Variants in AFG2A observed in about 807,000 individuals in gnomAD.
AFG2A encodes the protein ATPase family gene 2 protein homolog A.
chr4:123,124,045 G>A, the AFG2A span, among the ~76,000 whole-genome samples: 1 of 151,036 alleles, frequency 6.6e-6, no homozygotes, highest in Non-Finnish European at 1.5e-5. Context: ...TGTTGGGACT[G>A]TAAACTAGTT....
At chr4:123,148,058 A>G in the AFG2A span, among the ~76,000 whole-genome samples, 2 of 152,214 alleles carry the variant, frequency 1.3e-5, no homozygotes, top group African/African-American at 4.8e-5. Flanking sequence ...TCTCAAAGAT[A>G]TCTTTTAAAT....
chr4:123,100,744 A>G, the AFG2A span, among the ~76,000 whole-genome samples: 1 of 151,936 alleles, frequency 6.6e-6, no homozygotes, highest in African/African-American at 2.4e-5. Flanking sequence ...GTCTTTCTTC[A>G]AAGTCTGCTA....
At chr4:123,266,154 A>G in the AFG2A span, among the ~76,000 whole-genome samples, 1 of 152,020 alleles carries the variant, frequency 6.6e-6, no homozygotes, top group Admixed American at 6.6e-5. Context: ...GAAAAGATAC[A>G]CATGTAAAAG....
chr4:123,119,413 C>G, the AFG2A span, among the ~76,000 whole-genome samples: 1 of 152,112 alleles, frequency 6.6e-6, no homozygotes, highest in Non-Finnish European at 1.5e-5. Flanking sequence ...TAGCAGAGGG[C>G]CTTCTTATCA....
At chr4:123,087,305 T>C in the AFG2A span, among the ~76,000 whole-genome samples, 1 of 152,168 alleles carries the variant, frequency 6.6e-6, no homozygotes, top group African/African-American at 2.4e-5. Context: ...TTTTCTCCCG[T>C]TAGGTGGGAC....
At chr4:122,933,449 A>G in the AFG2A span, 1 of 1,612,414 alleles carries the variant, frequency 6.2e-7, no homozygotes, top group Non-Finnish European at 8.5e-7. Flanking sequence ...TGACAAAGAT[A>G]TGGAAATTAA....
the AFG2A span, among the ~76,000 whole-genome samples, chr4:123,197,777 A>ATAAG: frequency 6.6e-6 from 1 of 151,706 alleles, no homozygotes; most frequent in Non-Finnish European, 1.5e-5. Flanking sequence ...CAAAAAATAA[A>ATAAG]TAAATAAATA....
the AFG2A span, among the ~76,000 whole-genome samples, chr4:123,255,097 G>A: frequency 6.6e-6 from 1 of 152,098 alleles, no homozygotes; most frequent in East Asian, 1.9e-4. Flanking sequence ...CTGAGTGGCT[G>A]GGACTACAGG....
the AFG2A span, among the ~76,000 whole-genome samples, chr4:123,018,916 AT>A: frequency 1.2e-4 from 18 of 151,820 alleles, no homozygotes; most frequent in African/African-American, 2.7e-4. Context: ...AAGAGTTATC[AT>A]TTTTTTGGCT....
At chr4:123,080,601 A>G in the AFG2A span, among the ~76,000 whole-genome samples, 55 of 151,768 alleles carry the variant, frequency 3.6e-4, no homozygotes, top group South Asian at 5.8e-3. Context: ...TCGGTGATCT[A>G]TTTCCATTCT....
At chr4:123,054,417 C>G in the AFG2A span, among the ~76,000 whole-genome samples, 3 of 148,760 alleles carry the variant, frequency 2.0e-5, no homozygotes, top group African/African-American at 7.4e-5. Context: ...ATTGAGCATC[C>G]TTTTTTTTTT....
the AFG2A span, among the ~76,000 whole-genome samples, chr4:123,219,529 A>G: frequency 1.3e-5 from 2 of 152,190 alleles, no homozygotes; most frequent in Non-Finnish European, 1.5e-5. Context: ...CCATATTAGT[A>G]CTTAGTGTGC....
the AFG2A span, among the ~76,000 whole-genome samples, chr4:123,274,595 TAA>T: frequency 7.1e-6 from 1 of 141,088 alleles, no homozygotes; most frequent in African/African-American, 2.6e-5. Flanking sequence ...AGCACATAAT[TAA>T]AAAAAAAAAA....
At chr4:123,129,529 T>C in the AFG2A span, among the ~76,000 whole-genome samples, 1 of 152,236 alleles carries the variant, frequency 6.6e-6, no homozygotes, top group Non-Finnish European at 1.5e-5. Context: ...ACTAACAGTC[T>C]CTGCGATTAC....
At chr4:123,057,194 C>T in the AFG2A span, 1 of 1,613,518 alleles carries the variant, frequency 6.2e-7, no homozygotes, top group Non-Finnish European at 8.5e-7. Context: ...GCTAATGTGG[C>T]ACTCTTTCCA....
the AFG2A span, among the ~76,000 whole-genome samples, chr4:123,190,035 A>T: frequency 6.6e-6 from 1 of 151,740 alleles, no homozygotes; most frequent in Non-Finnish European, 1.5e-5. Flanking sequence ...TCTGGAATCA[A>T]TTGATCCTCC....
the AFG2A span, among the ~76,000 whole-genome samples, chr4:123,265,170 G>T: frequency 2.0e-5 from 3 of 152,124 alleles, no homozygotes; most frequent in African/African-American, 4.8e-5. Flanking sequence ...AGAGTTGAAG[G>T]CCTAGTGATT....
At chr4:123,147,431 ACTGAGTG>A in the AFG2A span, among the ~76,000 whole-genome samples, 1 of 152,156 alleles carries the variant, frequency 6.6e-6, no homozygotes, top group Admixed American at 6.5e-5. Context: ...GTACCAGTTT[ACTGAGTG>A]TGGTCTGAAG....
chr4:123,244,825 G>C, the AFG2A span, among the ~76,000 whole-genome samples: 3 of 152,166 alleles, frequency 2.0e-5, no homozygotes, highest in Non-Finnish European at 4.4e-5. Context: ...TGTATACCTA[G>C]TAGGTGTCTG....
Sources: allele counts gnomAD v4.1 joint callset (sites outside exome capture counted in the v4.1 genomes callset), GRCh38; gene constraint gnomAD v4.1.1; transcripts MANE v1.5; gene names NCBI Gene and HGNC (gene_info 2026-07-23, HGNC 2026-07-21).